The following FBRSL1 variants were observed in gnomAD, a reference collection of about 807,000 sequenced individuals.
The protein encoded by FBRSL1 is fibrosin like 1.
A neutral mutation model predicts 89.6 loss-of-function variants in FBRSL1; 51 were observed. The observed-to-expected ratio is 0.57, with a 90% CI of 0.45 to 0.72. FBRSL1 has a LOEUF of 0.72. Among genes scored for constraint, FBRSL1 ranks in the 30% least tolerant of loss-of-function variants. FBRSL1 has a pLI of 0.00. For synonymous variants in FBRSL1, 779 were observed against 681.1 expected, an observed-to-expected ratio of 1.14 and a Z score of -2.24; for missense variants, 1,618 against 1,451.8, an observed-to-expected ratio of 1.11 and a Z score of -1.86.
At chr12:132,523,209 T>A (rs954602141) in intron 2 of FBRSL1, among the ~76,000 whole-genome samples, 1 of 152,148 alleles carries the variant, frequency 6.6e-6, no homozygotes, top group African/African-American at 2.4e-5. Flanking sequence ...CTGGCAGCAC[T>A]GAGAAGCGGC....
intron 14 of FBRSL1, among the ~76,000 whole-genome samples, chr12:132,574,820 G>A (rs912838715): frequency 6.6e-6 from 1 of 152,154 alleles, no homozygotes; most frequent in Non-Finnish European, 1.5e-5. Flanking sequence ...GCCACGGGGA[G>A]CAGAGCAGGG....
chr12:132,548,061 G>GA, intron 5 of FBRSL1, 29 bp downstream of exon 5: 2 of 1,549,504 alleles, frequency 1.3e-6, no homozygotes, highest in Non-Finnish European at 1.7e-6. Flanking sequence ...TCCTGGGCTC[G>GA]GCTGACAGCC....
At position 132,524,699 on chromosome 12, in the gene FBRSL1, T is replaced by C. The variant is rs926592677; in HGVS notation, c.490-1035T>C. Among the ~76,000 whole-genome samples the C allele has an allele frequency of 5.9e-5, 9 of 152,128 alleles. No individual in the cohort carries two copies. The South Asian group carries it at 1.9e-3, about 32-fold the overall frequency. ...CTACAAGGTGCAGAATTGTTCCAGA[T>C]CCAAGTTGGCCAGAGAGGGAGACCG... On this transcript the variant is annotated intron_variant, in intron 2 of 18. Transcript: ENST00000680143.
In FBRSL1 at chr12:132,517,677, TGGTG is replaced by T. The variant is rs543701345; in HGVS notation, c.490-8055_490-8052del. On this transcript the variant is annotated intron_variant, in intron 2 of 18. Transcript: ENST00000680143. ...TAGAGGGTGTAGCCACCCAGGCCTCTGGTGGCGTGTGCCTGAGGAGCCGAGCGGG... is the reference window on the plus strand; with the variant it reads ...TAGAGGGTGTAGCCACCCAGGCCTCTGCGTGTGCCTGAGGAGCCGAGCGGG... Among the ~76,000 whole-genome samples the T allele has an allele frequency of 5.3e-5, 8 of 152,084 alleles. No homozygotes were observed. The South Asian group carries it at 1.2e-3, about 24-fold the overall frequency.
intron 1 of FBRSL1, among the ~76,000 whole-genome samples, chr12:132,494,539 G>C (rs889789190): frequency 2.0e-5 from 3 of 152,248 alleles, no homozygotes; most frequent in Non-Finnish European, 4.4e-5. Context: ...CGCTGGCCAT[G>C]GTGCTCTGGG....
intron 4 of FBRSL1, among the ~76,000 whole-genome samples, chr12:132,531,575 G>A (rs10431483): frequency 0.34 from 52,296 of 151,804 alleles, 9,749 homozygotes; most frequent in Non-Finnish European, 0.43. Flanking sequence ...GTGCACCCGC[G>A]TGTGTGTGAC....
intron 2 of FBRSL1, chr12:132,510,656 A>G: frequency 3.3e-6 from 4 of 1,229,216 alleles, no homozygotes; most frequent in Non-Finnish European, 4.1e-6. Flanking sequence ...TGCCACGATC[A>G]GGCTGAGGCT....
intron 5 of FBRSL1, chr12:132,553,268 C>G (rs945577585): frequency 1.3e-5 from 2 of 152,456 alleles, no homozygotes; most frequent in Non-Finnish European, 2.9e-5. Context: ...CGTGGGGTGA[C>G]CTCACAGGGT....
At chr12:132,537,983 G>A (rs1356531233) in intron 4 of FBRSL1, among the ~76,000 whole-genome samples, 1 of 152,194 alleles carries the variant, frequency 6.6e-6, no homozygotes, top group Non-Finnish European at 1.5e-5. Flanking sequence ...TCGGGGGAGG[G>A]GCCGCAGAGC....
chr12:132,522,799 C>T (rs1278037226), intron 2 of FBRSL1, among the ~76,000 whole-genome samples: 1 of 152,208 alleles, frequency 6.6e-6, no homozygotes, highest in African/African-American at 2.4e-5. Context: ...TGTGCTGGGC[C>T]GTTGGTGCCG....
At chr12:132,494,837 C>A (rs1043723418) in intron 1 of FBRSL1, among the ~76,000 whole-genome samples, 1 of 152,174 alleles carries the variant, frequency 6.6e-6, no homozygotes, top group Non-Finnish European at 1.5e-5. Context: ...CCTCCTGGCT[C>A]GGTGGCCAGC....
At chr12:132,495,211 T>C (rs890186457) in intron 1 of FBRSL1, among the ~76,000 whole-genome samples, 8 of 152,202 alleles carry the variant, frequency 5.3e-5, no homozygotes, top group African/African-American at 1.9e-4. Context: ...GAGCCCCTAG[T>C]GGGCCTGGTG....
chr12:132,582,853 A>AG lies in FBRSL1; in HGVS notation c.2202-114dup, dbSNP rs533412097. The AG allele has an allele frequency of 4.9e-5, 38 of 782,088 alleles. No individual in the cohort carries two copies. In the South Asian group the frequency reaches 7.9e-4, roughly 16 times the overall value. The allele number at this position is 782,088 out of a possible 1,614,324, so 48.4% of individuals were successfully genotyped here. On this transcript the variant is annotated intron_variant, in intron 18 of 18. Coordinates refer to ENST00000680143, the MANE Select transcript of FBRSL1 (RefSeq NM_001367871.1). The stretch of plus-strand genomic sequence containing the variant: ...GGGGGTGCGGGAGCTGTGGGTGCTG[A>AG]GGGGTCACCGGCCACCCAGAAACTG...
intron 4 of FBRSL1, among the ~76,000 whole-genome samples, chr12:132,532,064 C>T (rs1197577063): frequency 1.3e-5 from 2 of 152,196 alleles, no homozygotes; most frequent in Non-Finnish European, 2.9e-5. Flanking sequence ...CAAGAGCTTG[C>T]TGGGGTTGGA....
At chr12:132,571,044 C>T in intron 8 of FBRSL1, 24 bp from the exon 9 acceptor site, 1 of 1,306,762 alleles carries the variant, frequency 7.7e-7, no homozygotes, top group Non-Finnish European at 9.7e-7. Flanking sequence ...GGGAGGGGCT[C>T]ACCGTGTTCT....
At position 132,546,913 on chromosome 12, in the gene FBRSL1, C is replaced by T. The variant is rs1421818959; in HGVS notation, c.616-1090C>T. 1.3e-5 allele frequency among the ~76,000 whole-genome samples: 2 copies of T among 152,246 alleles called. No individual in the cohort carries two copies. The highest frequency in any genetic ancestry group is 4.8e-5 in the African/African-American group (2 of 41,462). On this transcript the variant is annotated intron_variant, in intron 4 of 18. Coordinates refer to ENST00000680143, the MANE Select transcript of FBRSL1 (RefSeq NM_001367871.1). The surrounding 1 kb of genome is among the most constrained non-coding windows in gnomAD (Gnocchi z 4.0). ...AGCCGCGGCTGCACATGGAGGGTGG[C>T]TGTGCGTTTGGTTCCCTGCATTAAC...
At chr12:132,504,003 G>A (rs1163706320) in intron 1 of FBRSL1, among the ~76,000 whole-genome samples, 1 of 152,092 alleles carries the variant, frequency 6.6e-6, no homozygotes, top group Non-Finnish European at 1.5e-5. Context: ...TGACCCATCT[G>A]AGAAGATCCC....
chr12:132,575,613 G>A (rs1024054593), intron 14 of FBRSL1, among the ~76,000 whole-genome samples: 2 of 152,176 alleles, frequency 1.3e-5, no homozygotes, highest in African/African-American at 2.4e-5. Flanking sequence ...GTGGGGGGCC[G>A]TCCACGGCAG....
chr12:132,491,810 C>T (rs535542955), intron 1 of FBRSL1, among the ~76,000 whole-genome samples: 39 of 152,358 alleles, frequency 2.6e-4, no homozygotes, highest in Admixed American at 1.1e-3. Flanking sequence ...GGGTCAGGGC[C>T]GGTGGCCAGG....
Sources: allele counts gnomAD v4.1 joint callset (sites outside exome capture counted in the v4.1 genomes callset), GRCh38; gene constraint gnomAD v4.1.1; non-coding constraint Gnocchi (gnomAD v3.1); transcripts MANE v1.5; gene names NCBI Gene and HGNC (gene_info 2026-07-23, HGNC 2026-07-21).